Variants in PPP3CA observed in about 807,000 individuals in gnomAD.
The protein encoded by PPP3CA is CAM-PRP catalytic subunit.
PPP3CA carries 14 observed loss-of-function variants against 66.5 expected under a neutral mutation model. The ratio of observed to expected loss-of-function variants is 0.21; its 90% CI spans 0.14 to 0.33. PPP3CA has a LOEUF of 0.33. Ranked by LOEUF, PPP3CA falls within the 10% of genes least tolerant of loss-of-function variation. The pLI, the probability that PPP3CA is intolerant of heterozygous loss-of-function variation, is 1.00. For synonymous variants in PPP3CA, 232 were observed against 226.2 expected (o/e 1.03, Z -0.23); for missense variants, 317 against 639.5 (o/e 0.50, Z 5.44).
At chr4:101,174,002 T>TG (rs1288071463) in intron 2 of PPP3CA, among the ~76,000 whole-genome samples, 2 of 151,986 alleles carry the variant, frequency 1.3e-5, no homozygotes, top group Non-Finnish European at 2.9e-5. Context: ...CTGTGAGCTA[T>TG]GACTACACCA....
intron 10 of PPP3CA, 143 bp downstream of exon 10, chr4:101,060,944 A>G: frequency 1.4e-6 from 1 of 740,050 alleles, no homozygotes; most frequent in Non-Finnish European, 2.3e-6. Context: ...AAGTAAACAG[A>G]AAATGAAATC....
chr4:101,301,987 G>A (rs939714931), intron 1 of PPP3CA, among the ~76,000 whole-genome samples: 21 of 151,440 alleles, frequency 1.4e-4, no homozygotes, highest in African/African-American at 4.6e-4. Flanking sequence ...AATTTGTTTC[G>A]AAGAAAAAAA....
intron 1 of PPP3CA, among the ~76,000 whole-genome samples, chr4:101,254,169 CTG>C (rs1029618560): frequency 1.1e-4 from 16 of 152,094 alleles, no homozygotes; most frequent in African/African-American, 3.9e-4. Context: ...ATTTAGAAAA[CTG>C]TACTAAATGT....
chr4:101,204,628 T>G (rs1406263716), intron 1 of PPP3CA, among the ~76,000 whole-genome samples: 1 of 90,218 alleles, frequency 1.1e-5, no homozygotes, highest in Non-Finnish European at 2.0e-5. Context: ...AGAGCAGGAC[T>G]CCATCTCAAA....
At chr4:101,291,895 G>A (rs924992723) in intron 1 of PPP3CA, among the ~76,000 whole-genome samples, 2 of 152,074 alleles carry the variant, frequency 1.3e-5, no homozygotes, top group African/African-American at 2.4e-5. Context: ...TTAGGAGGCC[G>A]AGGTGGGCAG....
At chr4:101,071,784 CTG>C (rs1441069071) in intron 8 of PPP3CA, among the ~76,000 whole-genome samples, 3 of 152,198 alleles carry the variant, frequency 2.0e-5, no homozygotes, top group Admixed American at 1.3e-4. Context: ...ACCTCACACA[CTG>C]TGTCTTAACT....
intron 1 of PPP3CA, among the ~76,000 whole-genome samples, chr4:101,292,081 AACAC>A (rs3974776): frequency 0.22 from 29,125 of 130,204 alleles, 3,595 homozygotes; most frequent in East Asian, 0.41. Context: ...TGAGCCCATG[AACAC>A]ACACACACAC....
At chr4:101,184,571 G>C (rs2850985) in intron 2 of PPP3CA, among the ~76,000 whole-genome samples, 23,055 of 152,036 alleles carry the variant, frequency 0.15, 2,208 homozygotes, top group East Asian at 0.29. Context: ...AAATATTTTG[G>C]AAAGCTGAAG....
intron 1 of PPP3CA, among the ~76,000 whole-genome samples, chr4:101,239,662 T>C (rs1377022958): frequency 6.6e-6 from 1 of 152,076 alleles, no homozygotes; most frequent in Non-Finnish European, 1.5e-5. Context: ...GGTTTACCTC[T>C]GCTTTCCCAA....
intron 1 of PPP3CA, among the ~76,000 whole-genome samples, chr4:101,308,231 A>C (rs1728607342): frequency 6.6e-6 from 1 of 152,208 alleles, no homozygotes; most frequent in Non-Finnish European, 1.5e-5. Context: ...ACATACAAAA[A>C]TCTTCATGTT....
At chr4:101,120,812 T>C (rs961425596) in intron 2 of PPP3CA, among the ~76,000 whole-genome samples, 1 of 152,050 alleles carries the variant, frequency 6.6e-6, no homozygotes, top group East Asian at 1.9e-4. Flanking sequence ...ATAAAACAAA[T>C]AGGTGTCACA....
intron 11 of PPP3CA, among the ~76,000 whole-genome samples, chr4:101,036,503 C>T (rs2037772): frequency 0.36 from 54,278 of 151,922 alleles, 11,248 homozygotes; most frequent in Non-Finnish European, 0.47. Context: ...GCCCCGCCTC[C>T]GGGGTTTATG....
chr4:101,090,116 C>A (rs923498247), intron 6 of PPP3CA, among the ~76,000 whole-genome samples: 1 of 152,104 alleles, frequency 6.6e-6, no homozygotes, highest in Non-Finnish European at 1.5e-5. Context: ...CCATCTAGAT[C>A]CACTTTATAA....
intron 2 of PPP3CA, among the ~76,000 whole-genome samples, chr4:101,136,137 T>C (rs1722613694): frequency 6.6e-6 from 1 of 152,230 alleles, no homozygotes; most frequent in Admixed American, 6.5e-5. Context: ...ATCTTTATCA[T>C]ACTTTATAAG....
intron 6 of PPP3CA, among the ~76,000 whole-genome samples, chr4:101,088,209 A>G (rs550515283): frequency 6.6e-6 from 1 of 152,010 alleles, no homozygotes; most frequent in South Asian, 2.1e-4. Context: ...TTCACTTTGT[A>G]TTTTACTTGT....
chr4:101,117,686 A>G, intron 2 of PPP3CA, among the ~76,000 whole-genome samples: 1 of 151,910 alleles, frequency 6.6e-6, no homozygotes, highest in Middle Eastern at 3.4e-3. Flanking sequence ...ATTACAATAT[A>G]TAATTACAAG....
chr4:101,272,678 C>T lies in PPP3CA; in HGVS notation c.58+74061G>A, dbSNP rs559835978. Among the ~76,000 whole-genome samples the T allele has an allele frequency of 2.0e-5, 3 of 152,248 alleles. No homozygotes were observed. The South Asian group carries it at 6.2e-4, about 32-fold the overall frequency. On this transcript the variant is annotated intron_variant, in intron 1 of 13. Transcript: ENST00000394854. ...AAATGTGGACAATAATGTTATCTAC[C>T]TCATGAGATTAAATGCATTAATATC... is the stretch of plus-strand genomic sequence containing the variant.
chr4:101,034,504 C>G (rs1345229309), intron 11 of PPP3CA, among the ~76,000 whole-genome samples: 1 of 151,792 alleles, frequency 6.6e-6, no homozygotes, highest in African/African-American at 2.4e-5. Flanking sequence ...CCCCCACCCC[C>G]TCCCCCAGCT....
chr4:101,278,087 C>A (rs547732455), intron 1 of PPP3CA, among the ~76,000 whole-genome samples: 4 of 100,514 alleles, frequency 4.0e-5, no homozygotes, highest in Admixed American at 1.3e-4. Flanking sequence ...AATTCTGGCA[C>A]CAAACATAAA....
Sources: gnomAD v4.1 joint callset for allele counts (sites outside exome capture counted in the v4.1 genomes callset) on GRCh38, gnomAD v4.1.1 for gene constraint, MANE v1.5 for transcripts, NCBI Gene and HGNC (gene_info 2026-07-23, HGNC 2026-07-21) for gene names.